OSBPL10: variants seen among roughly 807,000 people sequenced by gnomAD.
OSBPL10 encodes the protein oxysterol binding protein like 10.
In OSBPL10, 49 loss-of-function variants were observed where a neutral mutation model predicts 81.7. The ratio of observed to expected loss-of-function variants is 0.60; its 90% CI spans 0.48 to 0.76. OSBPL10 has a LOEUF of 0.76. Ranked by LOEUF, OSBPL10 falls within the 30% of genes least tolerant of loss-of-function variation. The pLI is 0.00. For missense variants in OSBPL10, 923 were observed against 987.8 expected (o/e 0.93, Z 0.88); for synonymous variants, 419 against 383.6 (o/e 1.09, Z -1.08).
rs548472559 is a variant in OSBPL10, at chr3:31,876,424, G to T, written c.537+9C>A. Reference sequence around the variant, plus strand: ...TCGAATGCCTCCTTCCTTTCTCACGGTGACTTACCTTAGAATTCATTTCCA... The same window carrying T: ...TCGAATGCCTCCTTCCTTTCTCACGTTGACTTACCTTAGAATTCATTTCCA... On this transcript the variant is annotated intron_variant, in intron 3 of 11. Transcript: ENST00000396556. 1 of 1,602,544 alleles carries T rather than the reference G, an allele frequency of 6.2e-7. No homozygotes were observed. The highest frequency in any genetic ancestry group is 1.3e-5 in the African/African-American group (1 of 74,820).
intron 2 of OSBPL10, chr3:31,990,514 G>C (rs1016938694): frequency 5.6e-6 from 9 of 1,610,818 alleles, no homozygotes; most frequent in Non-Finnish European, 7.6e-6. Context: ...TCATACTGGA[G>C]AGAAACCTTA....
chr3:31,765,272 G>A (rs920711972), intron 4 of OSBPL10, among the ~76,000 whole-genome samples: 6 of 151,974 alleles, frequency 3.9e-5, no homozygotes, highest in African/African-American at 1.4e-4. Context: ...CCCTGAGCAA[G>A]TGATCTGCCC....
rs138267226 is a variant in OSBPL10 at position 31,778,549 on chromosome 3, T to C, written c.730-30429A>G. On this transcript the variant is annotated intron_variant, in intron 4 of 11. Transcript: ENST00000396556. ...AAAATGAACAAAGACTCCAAGAAAT[T>C]TGGGATTATGTTAAATAGCCACACC... Among the ~76,000 whole-genome samples the C allele has an allele frequency of 5.1e-3, 777 of 151,846 alleles. 4 individuals are homozygous for C. Among genetic ancestry groups the C allele is most frequent in the Non-Finnish European group, 8.1e-3 (553 of 67,898 alleles).
intron 6 of OSBPL10, chr3:31,716,904 T>C (rs1696461457): frequency 6.6e-6 from 1 of 152,200 alleles, no homozygotes; most frequent in Admixed American, 6.5e-5. Flanking sequence ...ATGTGTCCAC[T>C]TTAATCATTT....
At chr3:31,773,949 G>T (rs374383582) in intron 4 of OSBPL10, among the ~76,000 whole-genome samples, 2 of 152,144 alleles carry the variant, frequency 1.3e-5, no homozygotes, top group African/African-American at 4.8e-5. Context: ...GGATCACGAG[G>T]TCAGGAGTTC....
chr3:31,965,927 T>C (rs1203032790), intron 1 of OSBPL10, among the ~76,000 whole-genome samples: 50 of 104,742 alleles, frequency 4.8e-4, no homozygotes, highest in East Asian at 8.2e-4. Flanking sequence ...ATATATAATA[T>C]ATATTATATA....
chr3:31,693,651 A>G (rs2125572844), intron 7 of OSBPL10, among the ~76,000 whole-genome samples: 1 of 152,342 alleles, frequency 6.6e-6, no homozygotes, highest in Middle Eastern at 3.4e-3. Flanking sequence ...AACTATAACC[A>G]TTCATTTCTG....
At chr3:31,839,630 A>C (rs1700444361) in intron 3 of OSBPL10, among the ~76,000 whole-genome samples, 1 of 152,114 alleles carries the variant, frequency 6.6e-6, no homozygotes, top group Non-Finnish European at 1.5e-5. Context: ...GAGCCAGGCT[A>C]TCTGGGTAAG....
At chr3:31,967,926 C>T (rs1002198461) in intron 1 of OSBPL10, among the ~76,000 whole-genome samples, 3 of 152,210 alleles carry the variant, frequency 2.0e-5, no homozygotes, top group South Asian at 2.1e-4. Context: ...ATGCTCTATT[C>T]GGTGATTAAG....
intron 1 of OSBPL10, among the ~76,000 whole-genome samples, chr3:31,916,274 T>C (rs1030334541): frequency 1.3e-5 from 2 of 152,198 alleles, no homozygotes. Flanking sequence ...TAAGTTAACA[T>C]GCAGAAATCA....
intron 2 of OSBPL10, among the ~76,000 whole-genome samples, chr3:32,027,503 GACAAATGTTA>G (rs1559551695): frequency 6.6e-6 from 1 of 151,928 alleles, no homozygotes; most frequent in Non-Finnish European, 1.5e-5. Flanking sequence ...GAGCAAATAA[GACAAATGTTA>G]ACAATTAATA....
intron 1 of OSBPL10, among the ~76,000 whole-genome samples, chr3:31,905,225 G>C (rs997813807): frequency 5.3e-5 from 8 of 151,848 alleles, no homozygotes; most frequent in African/African-American, 1.9e-4. Context: ...ATCACATTCT[G>C]CATAAATACA....
At chr3:31,888,219 C>T (rs1426480242) in intron 1 of OSBPL10, among the ~76,000 whole-genome samples, 1 of 152,138 alleles carries the variant, frequency 6.6e-6, no homozygotes, top group African/African-American at 2.4e-5. Flanking sequence ...AAACATACAT[C>T]GAGGAAAGCT....
chr3:31,868,499 C>T (rs1019776100), intron 3 of OSBPL10, among the ~76,000 whole-genome samples: 1 of 152,120 alleles, frequency 6.6e-6, no homozygotes, highest in Non-Finnish European at 1.5e-5. Flanking sequence ...GCATCACTGT[C>T]TGTCACACAT....
intron 1 of OSBPL10, among the ~76,000 whole-genome samples, chr3:31,964,878 A>T (rs1698270344): frequency 6.6e-6 from 1 of 152,074 alleles, no homozygotes; most frequent in Admixed American, 6.5e-5. Context: ...TGAATGGCTT[A>T]TGAGCAGAGG....
At chr3:31,675,509 G>A (rs892493704) in intron 8 of OSBPL10, among the ~76,000 whole-genome samples, 11 of 152,128 alleles carry the variant, frequency 7.2e-5, no homozygotes, top group Admixed American at 7.2e-4. Context: ...CATGGCTGTC[G>A]TAAAGATGGA....
chr3:32,043,821 G>A (rs1460042935), intron 2 of OSBPL10, among the ~76,000 whole-genome samples: 11 of 152,204 alleles, frequency 7.2e-5, no homozygotes, highest in Admixed American at 2.6e-4. Flanking sequence ...AACAGAAAAC[G>A]AAATACCGCA....
intron 5 of OSBPL10, among the ~76,000 whole-genome samples, chr3:31,747,238 A>C (rs1317866695): frequency 6.6e-6 from 1 of 151,908 alleles, no homozygotes; most frequent in Non-Finnish European, 1.5e-5. Context: ...GAATCTCTTG[A>C]ACCCAGGAGG....
At chr3:31,863,138 T>G (rs9861769) in intron 3 of OSBPL10, among the ~76,000 whole-genome samples, 1 of 151,736 alleles carries the variant, frequency 6.6e-6, no homozygotes, top group South Asian at 2.1e-4. Flanking sequence ...GAAAACACTA[T>G]GCTAAGTGAA....
Sources: allele counts gnomAD v4.1 joint callset (sites outside exome capture counted in the v4.1 genomes callset), GRCh38; gene constraint gnomAD v4.1.1; transcripts MANE v1.5; gene names NCBI Gene and HGNC (gene_info 2026-07-23, HGNC 2026-07-21).